Variants in SNX10 observed in about 807,000 individuals in gnomAD.
The protein encoded by SNX10 is sorting nexin-10.
In SNX10, 25 loss-of-function variants were observed where a neutral mutation model predicts 28.5. The observed-to-expected ratio is 0.88, with a 90% confidence interval of 0.64 to 1.22. The LOEUF is 1.22. SNX10 is among the 50% of genes most tolerant of loss of function. The pLI is 0.00. For synonymous variants in SNX10, 62 were observed against 81.4 expected, an observed-to-expected ratio of 0.76 and a Z score of 1.28; for missense variants, 223 against 242.6, an observed-to-expected ratio of 0.92 and a Z score of 0.54.
At chr7:26,301,348 C>T (rs574049204) in intron 1 of SNX10, among the ~76,000 whole-genome samples, 24 of 152,262 alleles carry the variant, frequency 1.6e-4, no homozygotes, top group African/African-American at 5.5e-4. Flanking sequence ...CCTATGTGGT[C>T]CGAATCCCTT....
intron 1 of SNX10, among the ~76,000 whole-genome samples, chr7:26,305,966 GT>G (rs1240752868): frequency 6.6e-6 from 1 of 152,114 alleles, no homozygotes; most frequent in Non-Finnish European, 1.5e-5. Context: ...GCAATCGTGG[GT>G]CACTGCAACC....
intron 1 of SNX10, among the ~76,000 whole-genome samples, chr7:26,307,774 C>T (rs1158752180): frequency 2.0e-5 from 3 of 151,924 alleles, no homozygotes; most frequent in Non-Finnish European, 4.4e-5. Context: ...CATAACCCAC[C>T]TCTCCCATTA....
At chr7:26,332,577 C>T (rs6950163) in intron 1 of SNX10, among the ~76,000 whole-genome samples, 40,598 of 152,000 alleles carry the variant, frequency 0.27, 6,451 homozygotes, top group South Asian at 0.43. Flanking sequence ...TTTTATGAAG[C>T]CTAATTTACC....
chr7:26,331,805 T>C (rs1200367791), intron 1 of SNX10, among the ~76,000 whole-genome samples: 6 of 152,084 alleles, frequency 3.9e-5, no homozygotes, highest in Non-Finnish European at 8.8e-5. Context: ...GTAGTCTATG[T>C]TCCATCTCTG....
chr7:26,357,631 G>C (rs148008451), intron 2 of SNX10, among the ~76,000 whole-genome samples: 1 of 152,274 alleles, frequency 6.6e-6, no homozygotes, highest in African/African-American at 2.4e-5. Flanking sequence ...AAATAAATTA[G>C]CAGTTCTTGC....
At chr7:26,339,744 A>G (rs1788107921) in intron 1 of SNX10, among the ~76,000 whole-genome samples, 1 of 150,940 alleles carries the variant, frequency 6.6e-6, no homozygotes, top group Non-Finnish European at 1.5e-5. Context: ...ACGGGGTTTC[A>G]CCATATTGGC....
chr7:26,340,179 T>C (rs1345091547), intron 1 of SNX10, among the ~76,000 whole-genome samples: 1 of 152,172 alleles, frequency 6.6e-6, no homozygotes, highest in Non-Finnish European at 1.5e-5. Flanking sequence ...ATTGCAAATG[T>C]TTTGGCCTGT....
intron 1 of SNX10, among the ~76,000 whole-genome samples, chr7:26,311,135 A>G (rs910924917): frequency 1.3e-5 from 2 of 151,826 alleles, no homozygotes; most frequent in Admixed American, 1.3e-4. Context: ...GTGGTTTAAC[A>G]TTTTTAAATT....
intron 1 of SNX10, among the ~76,000 whole-genome samples, chr7:26,338,226 A>G (rs1646951168): frequency 6.7e-6 from 1 of 148,828 alleles, no homozygotes; most frequent in South Asian, 2.1e-4. Context: ...AAGCAGCCCT[A>G]CAACACCAGC....
rs528310676 is a variant in SNX10, at chr7:26,364,463, T to C, written c.112-72T>C. 4.4e-4 allele frequency: 657 copies of C among 1,506,482 alleles called. 4 individuals are homozygous for C. The highest frequency in any genetic ancestry group is 4.0e-3 in the South Asian group (297 of 73,802). The allele number at this position is 1,506,482 out of a possible 1,614,324, so 93.3% of individuals were successfully genotyped here. On this transcript the variant is annotated intron_variant, in intron 3 of 6. Coordinates refer to ENST00000338523, the MANE Select transcript of SNX10 (RefSeq NM_013322.3). The surrounding 1 kb of genome is among the most constrained non-coding windows in gnomAD (Gnocchi z 4.9). ...ATTTAGAGTGAATGTTGAGATCATATTGTGAATTATAGATACAAGAAATGC... is the reference window on the plus strand; with the variant it reads ...ATTTAGAGTGAATGTTGAGATCATACTGTGAATTATAGATACAAGAAATGC...
intron 2 of SNX10, among the ~76,000 whole-genome samples, chr7:26,352,575 C>G (rs754933237): frequency 9.8e-5 from 15 of 152,322 alleles, no homozygotes; most frequent in Non-Finnish European, 2.1e-4. Flanking sequence ...CTCCTGCTAC[C>G]ACAGTCAATT....
intron 1 of SNX10, among the ~76,000 whole-genome samples, chr7:26,327,018 G>A (rs1787528427): frequency 6.7e-6 from 1 of 148,186 alleles, no homozygotes; most frequent in Non-Finnish European, 1.5e-5. Flanking sequence ...AGGTGTGATC[G>A]CAGCTCACTG....
At chr7:26,340,423 A>G (rs1251402484) in intron 1 of SNX10, among the ~76,000 whole-genome samples, 1 of 152,246 alleles carries the variant, frequency 6.6e-6, no homozygotes, top group Non-Finnish European at 1.5e-5. Context: ...TCAAATATTT[A>G]CTATCTGACC....
At chr7:26,313,588 C>T (rs536289882) in intron 1 of SNX10, among the ~76,000 whole-genome samples, 7 of 152,250 alleles carry the variant, frequency 4.6e-5, no homozygotes, top group Non-Finnish European at 5.9e-5. Flanking sequence ...AGGCATTAGA[C>T]GAATTGGGGG....
At chr7:26,361,823 A>C (rs1789084022) in intron 3 of SNX10, among the ~76,000 whole-genome samples, 1 of 152,258 alleles carries the variant, frequency 6.6e-6, no homozygotes, top group Non-Finnish European at 1.5e-5. Flanking sequence ...GACAGGTGTC[A>C]GACCAGATTT....
chr7:26,360,643 T>C (rs1351861164), intron 2 of SNX10: 1 of 262,042 alleles, frequency 3.8e-6, no homozygotes, highest in East Asian at 1.3e-4. Flanking sequence ...CTTTTTAAAT[T>C]TGAAAAAAAC....
intron 1 of SNX10, among the ~76,000 whole-genome samples, chr7:26,321,333 A>G (rs1787299397): frequency 6.6e-6 from 1 of 152,188 alleles, no homozygotes; most frequent in Non-Finnish European, 1.5e-5. Context: ...AGATGTACTC[A>G]CAGAGAACTC....
Position 26,364,369 on chromosome 7 carries a change from T to A in SNX10, c.112-166T>A, listed in dbSNP as rs939140538. 40 of 1,370,778 alleles carry A rather than the reference T, an allele frequency of 2.9e-5. No individual in the cohort carries two copies. The highest frequency in any genetic ancestry group is 3.8e-5 in the Non-Finnish European group (40 of 1,063,196). 84.9% of individuals were successfully genotyped at this position (1,370,778 alleles called of 1,614,324 possible). A position where few individuals can be genotyped will look rare whatever the true frequency, so the allele number is the denominator to read the frequency against. ...CTGGCTGTCTTCAGGGCTGTTATGT[T>A]CCTGGGTTATGTGCAAGATTTCAGA... is the stretch of plus-strand genomic sequence containing the variant. On this transcript the variant is annotated intron_variant, in intron 3 of 6. Coordinates refer to ENST00000338523, the MANE Select transcript of SNX10 (RefSeq NM_013322.3). The surrounding 1 kb of genome is among the most constrained non-coding windows in gnomAD (Gnocchi z 4.9).
chr7:26,358,285 T>G (rs1389335199), intron 2 of SNX10, among the ~76,000 whole-genome samples: 1 of 152,220 alleles, frequency 6.6e-6, no homozygotes, highest in Non-Finnish European at 1.5e-5. Flanking sequence ...TGCTTCTGTT[T>G]CCATCCCTGG....
Sources: gnomAD v4.1 joint callset for allele counts (sites outside exome capture counted in the v4.1 genomes callset) on GRCh38, gnomAD v4.1.1 for gene constraint, Gnocchi (gnomAD v3.1) non-coding constraint, MANE v1.5 for transcripts, NCBI Gene and HGNC (gene_info 2026-07-23, HGNC 2026-07-21) for gene names.